DOCK5: variants seen among roughly 807,000 people sequenced by gnomAD.
DOCK5 encodes the protein dedicator of cytokinesis 5.
In DOCK5, 142 loss-of-function variants were observed where a neutral mutation model predicts 251.8. The ratio of observed to expected loss-of-function variants is 0.56; its 90% CI spans 0.49 to 0.65. The LOEUF is 0.65. DOCK5 is among the 30% of genes least tolerant of loss of function. The probability of loss-of-function intolerance (pLI) is 0.00; values close to 1 mark genes in which losing one functional copy is unlikely to be tolerated. For synonymous variants in DOCK5, 842 were observed against 835.5 expected (o/e 1.01, Z -0.13); for missense variants, 2,111 against 2,312.3 (o/e 0.91, Z 1.79).
intron 8 of DOCK5, among the ~76,000 whole-genome samples, chr8:25,300,102 T>A (rs912546635): frequency 2.0e-5 from 3 of 152,086 alleles, no homozygotes; most frequent in Non-Finnish European, 4.4e-5. Flanking sequence ...GATGGAGTTT[T>A]ACCATGTTGG....
chr8:25,400,956 A>G lies in DOCK5; in HGVS notation c.4816A>G (p.Ile1606Val), dbSNP rs1032132338. The change falls in exon 47 of 52, where the codon ATC becomes GTC. Residue 1606 changes from isoleucine to valine, a missense_variant. Transcript: ENST00000276440. The stretch of plus-strand genomic sequence containing the variant: ...GCCCCTGCTAACAGAAGGGATCCGC[A>G]TCCATGGGGAGAAACTCACAGAGCA... ...QMPLLTEGIR[I>V]HGEKLTEQLK... 6.2e-7 allele frequency: 1 copy of G among 1,613,978 alleles called. No individual in the cohort carries two copies. The highest frequency in any genetic ancestry group is 1.7e-5 in the Admixed American group (1 of 60,028).
At position 25,373,624 on chromosome 8, in the gene DOCK5, T is replaced by C. The variant is rs1448918581; in HGVS notation, c.3691T>C (p.Tyr1231His). The change falls in exon 36 of 52, where the codon TAT becomes CAT. Residue 1231 changes from tyrosine to histidine, a missense_variant. By Grantham distance (83) the Tyr-to-His change is moderately conservative. This residue lies in a region of DOCK5 where 1,717 missense variants were observed against 1,892.4 expected (regional missense o/e 0.91). Transcript: ENST00000276440. ...TCCTTTTTTTTCCTGGCAGAACTTTTATAAAGAAAAGAAGAGAGAGGACAT... is the reference window on the plus strand; with the variant it reads ...TCCTTTTTTTTCCTGGCAGAACTTTCATAAAGAAAAGAAGAGAGAGGACAT... ...MSCTVNVLNF[Y>H]KEKKREDIYI... The C allele has an allele frequency of 6.3e-7, 1 of 1,595,758 alleles. No homozygotes were observed. The highest frequency in any genetic ancestry group is 1.3e-5 in the African/African-American group (1 of 74,768).
At chr8:25,348,299 C>G (rs1483107302) in intron 26 of DOCK5, among the ~76,000 whole-genome samples, 1 of 152,198 alleles carries the variant, frequency 6.6e-6, no homozygotes, top group Non-Finnish European at 1.5e-5. Context: ...GTAAGCACCT[C>G]TGTGAAGTTG....
chr8:25,323,390 C>G lies in DOCK5; in HGVS notation c.1616-458C>G, dbSNP rs557482394. Among the ~76,000 whole-genome samples the G allele has an allele frequency of 4.6e-5, 7 of 152,304 alleles. No homozygotes were observed. The South Asian group carries it at 1.4e-3, about 32-fold the overall frequency. ...GCGTGGTTGACATGATTGGATTGGA[C>G]TTTGGAAACCTCATTCCAACATAGA... On this transcript the variant is annotated intron_variant, in intron 16 of 51. Coordinates refer to ENST00000276440, the MANE Select transcript of DOCK5 (RefSeq NM_024940.8).
At chr8:25,362,449 TTTCTTTTC>T (rs1168795037) in intron 28 of DOCK5, among the ~76,000 whole-genome samples, 17 of 103,946 alleles carry the variant, frequency 1.6e-4, no homozygotes, top group African/African-American at 5.3e-4. Context: ...TTTCTTTTCT[TTTCTTTTC>T]TTTTCTTTTT....
intron 28 of DOCK5, among the ~76,000 whole-genome samples, chr8:25,359,389 G>GTCAT (rs397741397): frequency 2.9e-4 from 44 of 151,920 alleles, no homozygotes; most frequent in African/African-American, 9.4e-4. Context: ...AACTACTCAT[G>GTCAT]GCAAGGATTT....
At position 25,411,524 on chromosome 8, in the gene DOCK5, T is replaced by A; in HGVS notation, c.*226T>A. The A allele has an allele frequency of 4.1e-6, 2 of 487,944 alleles. No homozygotes were observed. Among genetic ancestry groups the A allele is most frequent in the Non-Finnish European group, 6.6e-6 (2 of 304,158 alleles). The allele number at this position is 487,944 out of a possible 1,614,324, so 30.2% of individuals were successfully genotyped here. ...AGTCCACATGGAATTCCAGAATCAG[T>A]CACAGCCTCTGATTTTTTCCAAGAA... On this transcript the variant is annotated 3_prime_UTR_variant, in exon 52 of 52. Transcript: ENST00000276440.
chr8:25,256,491 T>A (rs1413831984), intron 2 of DOCK5, among the ~76,000 whole-genome samples: 1 of 151,776 alleles, frequency 6.6e-6, no homozygotes. Flanking sequence ...ATACAAAAAT[T>A]AGCTGGGTGT....
At position 25,414,635 on chromosome 8, in the gene DOCK5, C is replaced by T. The variant is rs1292726096; in HGVS notation, c.*3337C>T. The T allele has an allele frequency of 3.3e-5, 5 of 152,094 alleles. No individual in the cohort carries two copies. The highest frequency in any genetic ancestry group is 2.1e-4 in the South Asian group (1 of 4,826). The allele number at this position is 152,094 out of a possible 1,614,324, so 9.4% of individuals were successfully genotyped here. A position where few individuals can be genotyped will look rare whatever the true frequency, so the allele number is the denominator to read the frequency against. ...TATAGTTAAGTGCACAAATCTTAGC[C>T]GTGCAGATGGGTAATTTTCACATAG... On this transcript the variant is annotated 3_prime_UTR_variant, in exon 52 of 52. Coordinates refer to ENST00000276440, the MANE Select transcript of DOCK5 (RefSeq NM_024940.8).
Position 25,351,826 on chromosome 8 carries a change from CGTGA to C in DOCK5, c.2850+3_2850+6del. The stretch of plus-strand genomic sequence containing the variant: ...GGATGAACCGGCAGTCTCCCCACAT[CGTGA>C]GTATCTCTTTGTTGGATCCCACGGC... On this transcript the variant is annotated splice_donor_variant and splice_donor_region_variant and intron_variant, in intron 27 of 51. Transcript: ENST00000276440. LOFTEE classifies it high-confidence loss of function. 1 of 1,613,160 alleles carries C rather than the reference CGTGA, an allele frequency of 6.2e-7. No homozygotes were observed. Among genetic ancestry groups the C allele is most frequent in the Non-Finnish European group, 8.5e-7 (1 of 1,179,398 alleles).
chr8:25,249,949 A>G (rs1475293944), intron 2 of DOCK5, among the ~76,000 whole-genome samples: 1 of 152,194 alleles, frequency 6.6e-6, no homozygotes, highest in African/African-American at 2.4e-5. Context: ...ATGTAGGTAC[A>G]TTATATTTTA....
At chr8:25,374,462 A>G in intron 36 of DOCK5, 102 bp from the exon 37 acceptor site, 1 of 1,105,030 alleles carries the variant, frequency 9.0e-7, no homozygotes, top group Non-Finnish European at 1.3e-6. Context: ...ACCACTGCAT[A>G]CTGCAGCCTG....
chr8:25,217,110 G>A (rs566443149), intron 1 of DOCK5, among the ~76,000 whole-genome samples: 17 of 147,440 alleles, frequency 1.2e-4, no homozygotes, highest in African/African-American at 3.7e-4. Flanking sequence ...ACATATATAC[G>A]TATATATGTG....
intron 11 of DOCK5, 133 bp downstream of exon 11, chr8:25,304,460 T>C: frequency 1.3e-6 from 1 of 765,086 alleles, no homozygotes; most frequent in South Asian, 2.0e-5. Context: ...GATTGTCAGA[T>C]AGGAGCTGAA....
At position 25,299,069 on chromosome 8, in the gene DOCK5, C is replaced by T; in HGVS notation, c.732C>T (p.Ala244=). The change falls in exon 8 of 52, where the codon GCC becomes GCT. Residue 244 remains alanine, a synonymous_variant. Coordinates refer to ENST00000276440, the MANE Select transcript of DOCK5 (RefSeq NM_024940.8). ...NIGEDAELFM[A]LYDPDQSTFI... is the part of the protein sequence containing the mutation. ...GGGAAGATGCAGAGTTGTTTATGGC[C>T]CTCTACGACCCAGACCAGTCCACTT... 2 of 1,613,776 alleles carry T rather than the reference C, an allele frequency of 1.2e-6. No individual in the cohort carries two copies. The highest frequency in any genetic ancestry group is 1.7e-6 in the Non-Finnish European group (2 of 1,179,832).
intron 10 of DOCK5, among the ~76,000 whole-genome samples, chr8:25,303,296 A>G (rs1236871535): frequency 6.6e-6 from 1 of 152,140 alleles, no homozygotes; most frequent in Non-Finnish European, 1.5e-5. Flanking sequence ...ACTGTGTCTT[A>G]TACACAATAG....
At chr8:25,393,158 A>G (rs1415693712) in intron 44 of DOCK5, among the ~76,000 whole-genome samples, 2 of 152,144 alleles carry the variant, frequency 1.3e-5, no homozygotes, top group African/African-American at 4.8e-5. Context: ...ACCCAGAAAC[A>G]TTTTTGGAAT....
chr8:25,360,679 C>T (rs948872996), intron 28 of DOCK5, among the ~76,000 whole-genome samples: 25 of 152,094 alleles, frequency 1.6e-4, no homozygotes, highest in Non-Finnish European at 2.4e-4. Flanking sequence ...TGCCCAGCTT[C>T]GTGCAGGTAG....
At position 25,380,314 on chromosome 8, in the gene DOCK5, A is replaced by G; in HGVS notation, c.3946A>G (p.Lys1316Glu). The G allele has an allele frequency of 5.6e-6, 9 of 1,610,710 alleles. No homozygotes were observed. The highest frequency in any genetic ancestry group is 1.3e-5 in the African/African-American group (1 of 74,960). ...TTTCCTTTTTCTGAAGATGTGGGAG[A>G]AGGCCATCAAGCTGAGCAAAGAGTT... ...SYFDKGKMWEKAIKLSKELAE... is the reference protein window; with the variant it reads ...SYFDKGKMWEEAIKLSKELAE... Residue 1316 changes from lysine to glutamate, a missense_variant, in exon 39 of 52, where the codon AAG becomes GAG. Lys to Glu is a moderately conservative substitution (Grantham distance 56). Around this residue, in one of 3 missense-constraint regions of DOCK5, gnomAD observed 1,717 missense variants for 1,892.4 expected, o/e 0.91. Coordinates refer to ENST00000276440, the MANE Select transcript of DOCK5 (RefSeq NM_024940.8).
Sources: allele counts gnomAD v4.1 joint callset (sites outside exome capture counted in the v4.1 genomes callset), GRCh38; gene constraint gnomAD v4.1.1; regional missense constraint gnomAD v4.1.1; transcripts MANE v1.5; gene names NCBI Gene and HGNC (gene_info 2026-07-23, HGNC 2026-07-21).